The following KCNMA1 variants were observed in gnomAD, a reference collection of about 807,000 sequenced individuals.
The protein encoded by KCNMA1 is potassium calcium-activated channel subfamily M alpha 1, also known as Calcium-activated potassium channel subunit alpha-1.
A neutral mutation model predicts 140.0 loss-of-function variants in KCNMA1; 29 were observed. The observed-to-expected ratio is 0.21, with a 90% CI of 0.15 to 0.28. The LOEUF (loss-of-function observed/expected upper bound fraction) is 0.28. Ranked by LOEUF, KCNMA1 falls within the 10% of genes least tolerant of loss-of-function variation. KCNMA1 has a pLI of 1.00. For synonymous variants in KCNMA1, 612 were observed against 611.9 expected (o/e 1.00, Z 0.00); for missense variants, 880 against 1,602.2 (o/e 0.55, Z 7.70).
intron 19 of KCNMA1, among the ~76,000 whole-genome samples, chr10:76,999,943 G>A (rs750848732): frequency 2.6e-5 from 4 of 152,136 alleles, no homozygotes; most frequent in African/African-American, 4.8e-5. Context: ...CACCTGGCAT[G>A]GCACACAGTG....
At chr10:77,362,353 A>AC (rs1467406713) in intron 2 of KCNMA1, among the ~76,000 whole-genome samples, 3,715 of 27,678 alleles carry the variant, frequency 0.13, 204 homozygotes, top group African/African-American at 0.29. Flanking sequence ...ATCCCCCCCC[A>AC]CCCCCCCCAC....
intron 2 of KCNMA1, among the ~76,000 whole-genome samples, chr10:77,368,565 T>C (rs1381129164): frequency 6.6e-6 from 1 of 152,230 alleles, no homozygotes; most frequent in Non-Finnish European, 1.5e-5. Flanking sequence ...AGTGATCCAT[T>C]TTTCTTTTGT....
intron 2 of KCNMA1, among the ~76,000 whole-genome samples, chr10:77,326,800 C>T (rs1203770787): frequency 1.3e-5 from 2 of 152,114 alleles, no homozygotes; most frequent in African/African-American, 4.8e-5. Flanking sequence ...TGTTTTTCCA[C>T]TTTGGGCCTC....
chr10:77,184,773 C>A (rs202237539), intron 4 of KCNMA1, 50 bp downstream of exon 4: 9 of 1,162,700 alleles, frequency 7.7e-6, no homozygotes, highest in Non-Finnish European at 1.2e-5. Context: ...TCCCTGGGTC[C>A]CAGACTGAAA....
At chr10:77,048,828 T>C (rs112377043) in intron 14 of KCNMA1, among the ~76,000 whole-genome samples, 9,021 of 152,248 alleles carry the variant, frequency 0.059, 375 homozygotes, top group Non-Finnish European at 0.09. Flanking sequence ...TGGTGCAATC[T>C]TGGCTCACTG....
intron 3 of KCNMA1, among the ~76,000 whole-genome samples, chr10:77,226,912 G>A (rs1413268878): frequency 6.6e-6 from 1 of 152,154 alleles, no homozygotes. Context: ...TGAGGGAGGT[G>A]TGCCTCCTTC....
chr10:77,610,003 C>T (rs2086202429), intron 1 of KCNMA1, among the ~76,000 whole-genome samples: 1 of 152,230 alleles, frequency 6.6e-6, no homozygotes, highest in Non-Finnish European at 1.5e-5. Flanking sequence ...GGCGGCCAGT[C>T]ACCCACCATC....
intron 5 of KCNMA1, chr10:77,148,218 A>G (rs1258603957): frequency 5.3e-5 from 8 of 152,144 alleles, no homozygotes; most frequent in African/African-American, 1.9e-4. Flanking sequence ...ACTATTGTGA[A>G]CTGAGAAAAC....
chr10:76,882,661 C>T (rs1251425944), downstream of KCNMA1, among the ~76,000 whole-genome samples: 3 of 152,228 alleles, frequency 2.0e-5, no homozygotes, highest in Non-Finnish European at 4.4e-5. Flanking sequence ...AAGTCTGATG[C>T]TGCCATTCTT....
intron 1 of KCNMA1, among the ~76,000 whole-genome samples, chr10:77,539,227 A>G (rs2154554589): frequency 6.6e-6 from 1 of 152,334 alleles, no homozygotes; most frequent in East Asian, 1.9e-4. Flanking sequence ...CCAACTTCCC[A>G]ATGAGCTAGC....
At chr10:77,049,849 A>T (rs2095290074) in intron 14 of KCNMA1, among the ~76,000 whole-genome samples, 1 of 152,188 alleles carries the variant, frequency 6.6e-6, no homozygotes, top group Non-Finnish European at 1.5e-5. Context: ...ACTTCCCAAA[A>T]AACTTCTTAC....
chr10:77,357,946 C>T (rs1210477187), intron 2 of KCNMA1, among the ~76,000 whole-genome samples: 1 of 152,078 alleles, frequency 6.6e-6, no homozygotes, highest in African/African-American at 2.4e-5. Context: ...CTCGGGAACA[C>T]CAAGTCACAA....
chr10:77,209,898 G>C (rs1030332734), intron 3 of KCNMA1, among the ~76,000 whole-genome samples: 1 of 143,446 alleles, frequency 7.0e-6, no homozygotes. Flanking sequence ...CTCTGAAATG[G>C]AATCAGTAAT....
At chr10:77,021,980 T>C (rs1238268554) in intron 16 of KCNMA1, among the ~76,000 whole-genome samples, 1 of 152,214 alleles carries the variant, frequency 6.6e-6, no homozygotes, top group Non-Finnish European at 1.5e-5. Context: ...ATTCCAAATC[T>C]AGAAAGTTTA....
chr10:77,515,732 A>G (rs2050154400), intron 1 of KCNMA1, among the ~76,000 whole-genome samples: 1 of 147,726 alleles, frequency 6.8e-6, no homozygotes, highest in Non-Finnish European at 1.5e-5. Context: ...CTGCCTCCCC[A>G]CCCAGGGCTA....
At chr10:77,574,028 G>T (rs1162237106) in intron 1 of KCNMA1, among the ~76,000 whole-genome samples, 1 of 151,924 alleles carries the variant, frequency 6.6e-6, no homozygotes, top group South Asian at 2.1e-4. Context: ...TAGAGACAGG[G>T]TTTCACCATG....
chr10:77,182,734 G>GA (rs2098813075), intron 5 of KCNMA1, among the ~76,000 whole-genome samples: 1 of 152,104 alleles, frequency 6.6e-6, no homozygotes, highest in Non-Finnish European at 1.5e-5. Flanking sequence ...TGAATTCAGG[G>GA]AAAAAATGAA....
chr10:77,563,356 T>C (rs1603636773), intron 1 of KCNMA1, among the ~76,000 whole-genome samples: 1 of 145,916 alleles, frequency 6.9e-6, no homozygotes, highest in Admixed American at 6.7e-5. Context: ...TTAAGCAGGA[T>C]GGTTGGGCCT....
chr10:76,940,994 A>AGAGAAAGGAAGGAAGGAAGGAAGGAAGG (rs1565056414), intron 23 of KCNMA1, among the ~76,000 whole-genome samples: 11 of 52,310 alleles, frequency 2.1e-4, no homozygotes, highest in African/African-American at 6.9e-4. Context: ...AGAAAGAGAG[A>AGAGAAAGGAAGGAAGGAAGGAAGGAAGG]AAGAAAGGAA....
Sources: allele counts gnomAD v4.1 joint callset (sites outside exome capture counted in the v4.1 genomes callset), GRCh38; gene constraint gnomAD v4.1.1; transcripts MANE v1.5; gene names NCBI Gene and HGNC (gene_info 2026-07-23, HGNC 2026-07-21).